The following RIPK4 variants were observed in gnomAD, a reference collection of about 807,000 sequenced individuals.
RIPK4 encodes receptor-interacting serine/threonine-protein kinase 4.
RIPK4 carries 17 observed loss-of-function variants against 42.9 expected under a neutral mutation model. The observed-to-expected ratio is 0.40, with a 90% confidence interval of 0.27 to 0.59. The LOEUF (loss-of-function observed/expected upper bound fraction) is 0.59, where lower values mean the gene tolerates loss of function less well. Among genes scored for constraint, RIPK4 ranks in the 20% least tolerant of loss-of-function variants. RIPK4 has a pLI of 0.47. For missense variants in RIPK4, 897 were observed against 1,104.4 expected, an observed-to-expected ratio of 0.81 and a Z score of 2.66; for synonymous variants, 498 against 499.1, an observed-to-expected ratio of 1.00 and a Z score of 0.03.
chr21:41,748,700 G>A (rs1238271857), intron 4 of RIPK4, among the ~76,000 whole-genome samples: 1 of 152,214 alleles, frequency 6.6e-6, no homozygotes, highest in Non-Finnish European at 1.5e-5. Flanking sequence ...AGAATTAGCT[G>A]GAAATACCAG....
At chr21:41,764,335 G>C (rs1483142541) in intron 1 of RIPK4, among the ~76,000 whole-genome samples, 1 of 152,208 alleles carries the variant, frequency 6.6e-6, no homozygotes, top group Non-Finnish European at 1.5e-5. Context: ...GCGTTGGCCA[G>C]TGAAAATCAG....
intron 1 of RIPK4, among the ~76,000 whole-genome samples, chr21:41,758,776 G>C (rs2061212474): frequency 6.6e-6 from 1 of 152,270 alleles, no homozygotes. Context: ...GGCCTGCAAA[G>C]CCTAAAATGT....
At chr21:41,745,978 C>T (rs2061169528) in intron 5 of RIPK4, 116 bp from the exon 6 acceptor site, 5 of 890,782 alleles carry the variant, frequency 5.6e-6, no homozygotes, top group African/African-American at 3.3e-5. Flanking sequence ...CTCGGCCCAG[C>T]CTGAGCTCAC....
At chr21:41,766,349 T>C (rs2061236513) in intron 1 of RIPK4, among the ~76,000 whole-genome samples, 1 of 152,230 alleles carries the variant, frequency 6.6e-6, no homozygotes, top group Non-Finnish European at 1.5e-5. Context: ...CGTAAATTAC[T>C]AAGTAAGTCG....
Position 41,740,531 on chromosome 21 carries a change from C to T in RIPK4, c.*307G>A, listed in dbSNP as rs2061149232. Reference sequence around the variant, plus strand: ...AGAGTGGATGCTTCCACGCCTGGGGCTTCATCACTGAGAGACCAGCCTCAG... The same window carrying T: ...AGAGTGGATGCTTCCACGCCTGGGGTTTCATCACTGAGAGACCAGCCTCAG... On this transcript the variant is annotated 3_prime_UTR_variant, in exon 8 of 8. Transcript: ENST00000332512. 1 of 375,300 alleles carries T rather than the reference C, an allele frequency of 2.7e-6. No homozygotes were observed. Among genetic ancestry groups the T allele is most frequent in the East Asian group, 4.8e-5 (1 of 20,918 alleles). The allele number at this position is 375,300 out of a possible 1,614,324, so 23.2% of individuals were successfully genotyped here. A position where few individuals can be genotyped will look rare whatever the true frequency, so the allele number is the denominator to read the frequency against.
In RIPK4 at chr21:41,750,958, G is replaced by A. The variant is rs144948542; in HGVS notation, c.623+139C>T. The stretch of plus-strand genomic sequence containing the variant: ...CTCCCGCAGTGCTGGGATTACAGGC[G>A]TGAGTCACCGCGCCTGGCCCGAGCC... On this transcript the variant is annotated intron_variant, in intron 3 of 7. Coordinates refer to ENST00000332512, the MANE Select transcript of RIPK4 (RefSeq NM_020639.3). 22,485 of 1,065,982 alleles carry A rather than the reference G, an allele frequency of 0.021. 324 individuals carry two copies. Among genetic ancestry groups the A allele is most frequent in the Middle Eastern group, 0.027 (85 of 3,166 alleles). 66.0% of individuals were successfully genotyped at this position (1,065,982 alleles called of 1,614,324 possible). A position where few individuals can be genotyped will look rare whatever the true frequency, so the allele number is the denominator to read the frequency against.
At chr21:41,753,849 C>T (rs954506699) in intron 2 of RIPK4, among the ~76,000 whole-genome samples, 4 of 152,160 alleles carry the variant, frequency 2.6e-5, no homozygotes, top group Non-Finnish European at 5.9e-5. Context: ...GCTAACTGGA[C>T]ATATAAATGC....
At chr21:41,756,938 A>T in intron 1 of RIPK4, 122 bp from the exon 2 acceptor site, 10 of 952,656 alleles carry the variant, frequency 1.0e-5, no homozygotes, top group African/African-American at 1.6e-5. Flanking sequence ...GTGCACACAC[A>T]TGGGGCACAC....
rs1339810793 is a variant in RIPK4 at position 41,755,139 on chromosome 21, C to T, written c.474+1386G>A. 6.6e-6 allele frequency among the ~76,000 whole-genome samples: 1 copy of T among 152,196 alleles called. No homozygotes were observed. The highest frequency in any genetic ancestry group is 1.5e-5 in the Non-Finnish European group (1 of 68,028). On this transcript the variant is annotated intron_variant, in intron 2 of 7. Transcript: ENST00000332512. The surrounding 1 kb of genome is among the most constrained non-coding windows in gnomAD (Gnocchi z 4.2). Reference sequence around the variant, plus strand: ...GGGGGGTCCGCATGTGAGGCCCAGCCCTGCCCATCACAGGAAACGGGAATC... The same window carrying T: ...GGGGGGTCCGCATGTGAGGCCCAGCTCTGCCCATCACAGGAAACGGGAATC...
In RIPK4 at chr21:41,741,208, C is replaced by T. The variant is rs1024696720; in HGVS notation, c.1985G>A (p.Gly662Asp). 6.2e-7 allele frequency: 1 copy of T among 1,609,248 alleles called. No individual in the cohort carries two copies. Among genetic ancestry groups the T allele is most frequent in the African/African-American group, 1.3e-5 (1 of 74,866 alleles). Residue 662 changes from glycine to aspartate, a missense_variant, in exon 8 of 8, where the codon GGC becomes GAC. Gly to Asp is a moderately conservative substitution (Grantham distance 94). Coordinates refer to ENST00000332512, the MANE Select transcript of RIPK4 (RefSeq NM_020639.3). ...GCCGTCTGAGGTCATGGCCTCCTTG[C>T]CAGCGCCCCGATGCAGGAGCAGCCT... ...TARLLLHRGA[G>D]KEAMTSDGYT...
chr21:41,765,343 T>A (rs1274021707), intron 1 of RIPK4, among the ~76,000 whole-genome samples: 1 of 152,198 alleles, frequency 6.6e-6, no homozygotes, highest in African/African-American at 2.4e-5. Context: ...GTTCCCAGAA[T>A]CTGAGGCAGG....
Position 41,767,021 on chromosome 21 carries a change from G to A in RIPK4, c.21C>T (p.Thr7=), listed in dbSNP as rs2061239795. ...TGCGCAGCAGCGCCAGGGCCCATGG[G>A]GTCCCGCCGTCGCCCTCCATCGCGC... The part of the protein sequence containing the change: MEGDGG[T]PWALALLRTF... Residue 7 remains threonine (T), a synonymous_variant, in exon 1 of 8, where the codon ACC becomes ACT. Coordinates refer to ENST00000332512, the MANE Select transcript of RIPK4 (RefSeq NM_020639.3). This position sits in a 1 kb window ranked among gnomAD's most constrained non-coding sequence, Gnocchi z 4.0. The A allele has an allele frequency of 6.3e-7, 1 of 1,583,230 alleles. No individual in the cohort carries two copies.
chr21:41,749,916 A>G (rs911934220), intron 3 of RIPK4, among the ~76,000 whole-genome samples: 13 of 151,946 alleles, frequency 8.6e-5, no homozygotes, highest in African/African-American at 1.5e-4. Flanking sequence ...AAAAGAAAAG[A>G]AAAACAGAAG....
Position 41,741,359 on chromosome 21 carries a change from C to T in RIPK4, c.1834G>A (p.Ala612Thr), listed in dbSNP as rs371705604. The change falls in exon 8 of 8, where the codon GCA becomes ACA. Residue 612 changes from alanine to threonine, a missense_variant. Physicochemically the swap from Ala to Thr is moderately conservative, Grantham distance 58. Transcript: ENST00000332512. ...GCCACGCGGTAGTGCCCGCGCTGTG[C>T]GGCCAGGTGCAATGGCGTCCTCCCA... ...LDGRTPLHLA[A>T]QRGHYRVARI... The T allele has an allele frequency of 2.8e-5, 45 of 1,611,394 alleles. No individual in the cohort carries two copies. The highest frequency in any genetic ancestry group is 1.3e-4 in the East Asian group (6 of 44,878).
intron 1 of RIPK4, among the ~76,000 whole-genome samples, chr21:41,765,864 A>G (rs1362576898): frequency 6.6e-6 from 1 of 152,240 alleles, no homozygotes; most frequent in Non-Finnish European, 1.5e-5. Context: ...AATCAACTGT[A>G]AACAGTGAAA....
Position 41,746,648 on chromosome 21 carries a change from C to T in RIPK4, c.797G>A (p.Trp266Ter). 2 of 1,610,938 alleles carry T rather than the reference C, an allele frequency of 1.2e-6. No homozygotes were observed. The highest frequency in any genetic ancestry group is 1.7e-6 in the Non-Finnish European group (2 of 1,179,818). ...SHLIRLMQRC[W>*]QGDPRVRPTF... ...GGGCCTAACTCGCGGATCCCCCTGC[C>T]AGCACCGCTGCATGAGGCGTATCAG... The change falls in exon 5 of 8, where the codon TGG becomes TAG. Residue 266 changes from tryptophan (W) to a stop codon, truncating the protein, a stop_gained. Coordinates refer to ENST00000332512, the MANE Select transcript of RIPK4 (RefSeq NM_020639.3). LOFTEE classifies it high-confidence loss of function.
rs3787952 is a variant in RIPK4, at chr21:41,748,885, G to C, written c.673+269C>G. ...CACTGCCAGTGTAGTTAATGTCACT[G>C]AATTATACACTTTAAATGGCTAACA... On this transcript the variant is annotated intron_variant, in intron 4 of 7. Coordinates refer to ENST00000332512, the MANE Select transcript of RIPK4 (RefSeq NM_020639.3). Among the ~76,000 whole-genome samples, 38,880 of 152,016 alleles carry C rather than the reference G, an allele frequency of 0.26. 5,741 individuals are homozygous for C. Among genetic ancestry groups the C allele is most frequent in the Admixed American group, 0.34 (5,228 of 15,286 alleles).
rs1026503532 is a variant in RIPK4 at position 41,740,814 on chromosome 21, C to A, written c.*24G>T. The A allele has an allele frequency of 1.3e-6, 2 of 1,571,438 alleles. No individual in the cohort carries two copies. The highest frequency in any genetic ancestry group is 1.7e-6 in the Non-Finnish European group (2 of 1,161,106). On this transcript the variant is annotated 3_prime_UTR_variant, in exon 8 of 8. Transcript: ENST00000332512. ...GGACAGGACAAGAGCCCCACGTGGACCCCCGGTCTCCGCAGGCAGCCAGCT... is the reference window on the plus strand; with the variant it reads ...GGACAGGACAAGAGCCCCACGTGGAACCCCGGTCTCCGCAGGCAGCCAGCT...
In RIPK4 at chr21:41,740,592, C is replaced by T. The variant is rs1203774640; in HGVS notation, c.*246G>A. The T allele has an allele frequency of 3.8e-6, 2 of 531,940 alleles. No individual in the cohort carries two copies. Among genetic ancestry groups the T allele is most frequent in the African/African-American group, 3.9e-5 (2 of 51,932 alleles). 33.0% of individuals were successfully genotyped at this position (531,940 alleles called of 1,614,324 possible). On this transcript the variant is annotated 3_prime_UTR_variant, in exon 8 of 8. Transcript: ENST00000332512. ...GGAGCACAACGAAATGATTCTGACC[C>T]ACGGTCCCTTCAGACAGCAGGTGCC...
Sources: gnomAD v4.1 joint callset for allele counts (sites outside exome capture counted in the v4.1 genomes callset) on GRCh38, gnomAD v4.1.1 for gene constraint, Gnocchi (gnomAD v3.1) non-coding constraint, MANE v1.5 for transcripts, NCBI Gene and HGNC (gene_info 2026-07-23, HGNC 2026-07-21) for gene names.